Variants in PARD3B observed in about 807,000 individuals in gnomAD.
The protein encoded by PARD3B is par-3 family cell polarity regulator beta.
A neutral mutation model predicts 130.2 loss-of-function variants in PARD3B; 103 were observed. The observed-to-expected ratio is 0.79, with a 90% CI of 0.67 to 0.93. PARD3B has a LOEUF of 0.93. PARD3B is among the 40% of genes least tolerant of loss of function. PARD3B has a pLI of 0.00. For synonymous variants in PARD3B, 583 were observed against 553.2 expected, an observed-to-expected ratio of 1.05 and a Z score of -0.76; for missense variants, 1,609 against 1,499.2, an observed-to-expected ratio of 1.07 and a Z score of -1.21.
chr2:204,963,853 A>G (rs1156448481), intron 2 of PARD3B, among the ~76,000 whole-genome samples: 2 of 152,196 alleles, frequency 1.3e-5, no homozygotes, highest in East Asian at 3.9e-4. Flanking sequence ...TTTCTGTGGC[A>G]AGAGGATTGT....
intron 22 of PARD3B, among the ~76,000 whole-genome samples, chr2:205,554,336 T>A (rs1373243558): frequency 6.6e-6 from 1 of 152,164 alleles, no homozygotes; most frequent in Non-Finnish European, 1.5e-5. Flanking sequence ...TGTACCTCTG[T>A]GTGATTTTAC....
chr2:205,573,774 A>G (rs2053642912), intron 22 of PARD3B, among the ~76,000 whole-genome samples: 1 of 152,182 alleles, frequency 6.6e-6, no homozygotes, highest in Non-Finnish European at 1.5e-5. Context: ...TAGTTAATAA[A>G]ACATCGATCA....
At chr2:204,825,396 C>G (rs1043158640) in intron 2 of PARD3B, among the ~76,000 whole-genome samples, 1 of 152,150 alleles carries the variant, frequency 6.6e-6, no homozygotes, top group Non-Finnish European at 1.5e-5. Flanking sequence ...TGGAGCAGTT[C>G]TTTTGACAGT....
chr2:205,587,117 C>G (rs1272177850), intron 22 of PARD3B, among the ~76,000 whole-genome samples: 1 of 152,200 alleles, frequency 6.6e-6, no homozygotes, highest in Non-Finnish European at 1.5e-5. Context: ...ACCTACATTA[C>G]TATCAGGTAC....
At chr2:204,803,365 G>C (rs1019265955) in intron 2 of PARD3B, among the ~76,000 whole-genome samples, 2 of 151,794 alleles carry the variant, frequency 1.3e-5, no homozygotes, top group Non-Finnish European at 2.9e-5. Context: ...ACTGGTAATC[G>C]TAAGTATAAA....
At chr2:204,756,418 G>A in intron 2 of PARD3B, among the ~76,000 whole-genome samples, 1 of 151,680 alleles carries the variant, frequency 6.6e-6, no homozygotes, top group East Asian at 1.9e-4. Context: ...TTGTTACCAA[G>A]AGTTATATTT....
chr2:204,900,792 T>A (rs1171173238), intron 2 of PARD3B, among the ~76,000 whole-genome samples: 1 of 152,176 alleles, frequency 6.6e-6, no homozygotes, highest in African/African-American at 2.4e-5. Flanking sequence ...TTGAAGGGAC[T>A]TAGATGTTGT....
intron 19 of PARD3B, among the ~76,000 whole-genome samples, chr2:205,410,582 T>A (rs1287006996): frequency 6.6e-6 from 1 of 152,108 alleles, no homozygotes; most frequent in Non-Finnish European, 1.5e-5. Flanking sequence ...GAAGAAAAAA[T>A]TTGCGTAAAT....
At chr2:204,733,843 C>A (rs993345476) in intron 2 of PARD3B, among the ~76,000 whole-genome samples, 1 of 151,924 alleles carries the variant, frequency 6.6e-6, no homozygotes. Flanking sequence ...CCATTCAATA[C>A]AAAATTCACT....
chr2:204,610,369 T>G lies in PARD3B; in HGVS notation c.120+64250T>G, dbSNP rs1325409353. On this transcript the variant is annotated intron_variant, in intron 1 of 22. Transcript: ENST00000406610. The surrounding 1 kb of genome is among the most constrained non-coding windows in gnomAD (Gnocchi z 4.1). ...ATTATTCTGACTTATTGTTCCCTTG[T>G]CCTTTTTATGGAGTCTCCCTCTGTT... 6.6e-6 allele frequency among the ~76,000 whole-genome samples: 1 copy of G among 152,234 alleles called. No homozygotes were observed. Among genetic ancestry groups the G allele is most frequent in the African/African-American group, 2.4e-5 (1 of 41,452 alleles).
At chr2:205,505,747 A>G (rs1385990649) in intron 21 of PARD3B, among the ~76,000 whole-genome samples, 1 of 152,230 alleles carries the variant, frequency 6.6e-6, no homozygotes, top group Non-Finnish European at 1.5e-5. Context: ...TGCTTATTTA[A>G]CAGCAGCATG....
chr2:205,182,994 G>A (rs140165520), intron 13 of PARD3B, among the ~76,000 whole-genome samples: 2,255 of 152,292 alleles, frequency 0.015, 35 homozygotes, highest in African/African-American at 0.039. Context: ...GTGTCCAGCC[G>A]TATGCCCAGG....
intron 2 of PARD3B, among the ~76,000 whole-genome samples, chr2:204,699,029 A>C (rs931538737): frequency 3.3e-5 from 5 of 152,136 alleles, no homozygotes; most frequent in African/African-American, 1.2e-4. Flanking sequence ...TGAGATCATA[A>C]TGTGGTTAAT....
Position 204,545,779 on chromosome 2 carries a change from G to C in PARD3B, c.-221G>C. On this transcript the variant is annotated 5_prime_UTR_variant, in exon 1 of 23. Transcript: ENST00000406610. ...GTCCCGGGCCGCCGGGCACCTGGGA[G>C]GTAACCCCTTTCCGCGGCCGCCCCT... 1 of 461,180 alleles carries C rather than the reference G, an allele frequency of 2.2e-6. No individual in the cohort carries two copies. Among genetic ancestry groups the C allele is most frequent in the Non-Finnish European group, 3.7e-6 (1 of 267,670 alleles). The allele number at this position is 461,180 out of a possible 1,614,324, so 28.6% of individuals were successfully genotyped here. A position where few individuals can be genotyped will look rare whatever the true frequency, so the allele number is the denominator to read the frequency against.
At chr2:204,975,345 A>G (rs1692053844) in intron 3 of PARD3B, among the ~76,000 whole-genome samples, 1 of 152,200 alleles carries the variant, frequency 6.6e-6, no homozygotes, top group Admixed American at 6.5e-5. Flanking sequence ...TAAGGTCTCA[A>G]GTCTCTCCAT....
At chr2:205,434,258 A>G (rs1486962692) in intron 19 of PARD3B, among the ~76,000 whole-genome samples, 2 of 152,120 alleles carry the variant, frequency 1.3e-5, no homozygotes, top group Non-Finnish European at 2.9e-5. Flanking sequence ...TCATTTGCCT[A>G]TTAGGCATTT....
chr2:205,421,827 C>T lies in PARD3B; in HGVS notation c.2742-18543C>T, dbSNP rs2046982185. Reference sequence around the variant, plus strand: ...TGGCTTTTACTTGGCTGCCTATGTTCCTGGCTCATGGCTCCTTCTGCCATT... The same window carrying T: ...TGGCTTTTACTTGGCTGCCTATGTTTCTGGCTCATGGCTCCTTCTGCCATT... On this transcript the variant is annotated intron_variant, in intron 19 of 22. Transcript: ENST00000406610. This position sits in a 1 kb window ranked among gnomAD's most constrained non-coding sequence, Gnocchi z 5.1. Among the ~76,000 whole-genome samples the T allele has an allele frequency of 6.6e-6, 1 of 152,154 alleles. No individual in the cohort carries two copies. Among genetic ancestry groups the T allele is most frequent in the Non-Finnish European group, 1.5e-5 (1 of 68,026 alleles).
At chr2:204,731,587 C>G (rs1175625859) in intron 2 of PARD3B, among the ~76,000 whole-genome samples, 1 of 152,070 alleles carries the variant, frequency 6.6e-6, no homozygotes, top group Non-Finnish European at 1.5e-5. Flanking sequence ...TGACTTTTCT[C>G]TGGATTTGTT....
At chr2:205,074,599 A>G (rs978442586) in intron 4 of PARD3B, among the ~76,000 whole-genome samples, 1 of 152,202 alleles carries the variant, frequency 6.6e-6, no homozygotes, top group African/African-American at 2.4e-5. Flanking sequence ...AGCTCTTAGT[A>G]ATCATGGCTG....
Sources: gnomAD v4.1 joint callset for allele counts (sites outside exome capture counted in the v4.1 genomes callset) on GRCh38, gnomAD v4.1.1 for gene constraint, Gnocchi (gnomAD v3.1) non-coding constraint, MANE v1.5 for transcripts, NCBI Gene and HGNC (gene_info 2026-07-23, HGNC 2026-07-21) for gene names.